The following NOVA1 variants were observed in gnomAD, a reference collection of about 807,000 sequenced individuals.
The protein encoded by NOVA1 is RNA-binding protein Nova-1.
NOVA1 carries 7 observed loss-of-function variants against 38.0 expected under a neutral mutation model. That is an observed-to-expected ratio of 0.18 (90% CI 0.10 to 0.35). NOVA1 has a LOEUF of 0.35. NOVA1 is among the 10% of genes least tolerant of loss of function. The probability of loss-of-function intolerance (pLI) is 1.00; values close to 1 mark genes in which losing one functional copy is unlikely to be tolerated. For missense variants in NOVA1, 460 were observed against 616.0 expected, an observed-to-expected ratio of 0.75 and a Z score of 2.68; for synonymous variants, 270 against 232.5, an observed-to-expected ratio of 1.16 and a Z score of -1.47.
chr14:26,507,048 G>C (rs1887689397), intron 2 of NOVA1, among the ~76,000 whole-genome samples: 1 of 151,870 alleles, frequency 6.6e-6, no homozygotes, highest in Admixed American at 6.6e-5. Flanking sequence ...TTTTAAACTG[G>C]ATTGTATCCT....
At chr14:26,577,586 T>C (rs968489968) in intron 2 of NOVA1, among the ~76,000 whole-genome samples, 1 of 152,140 alleles carries the variant, frequency 6.6e-6, no homozygotes, top group African/African-American at 2.4e-5. Context: ...TTGGCTTGAA[T>C]ATATGGCTTT....
At chr14:26,516,264 G>A (rs1219001754) in intron 2 of NOVA1, among the ~76,000 whole-genome samples, 1 of 151,970 alleles carries the variant, frequency 6.6e-6, no homozygotes, top group African/African-American at 2.4e-5. Flanking sequence ...TGATTTGAAG[G>A]CATTCTATGC....
At chr14:26,523,845 G>C (rs1889089313) in intron 2 of NOVA1, among the ~76,000 whole-genome samples, 1 of 149,628 alleles carries the variant, frequency 6.7e-6, no homozygotes, top group Non-Finnish European at 1.5e-5. Context: ...CCGCCTCCCG[G>C]GTTCACGCCA....
At chr14:26,581,731 C>A (rs1278964755) in intron 2 of NOVA1, among the ~76,000 whole-genome samples, 1 of 151,890 alleles carries the variant, frequency 6.6e-6, no homozygotes, top group Non-Finnish European at 1.5e-5. Flanking sequence ...GCAAATGTGG[C>A]AGTTTGATAA....
At chr14:26,502,059 C>CA (rs142861148) in intron 2 of NOVA1, among the ~76,000 whole-genome samples, 3,230 of 151,974 alleles carry the variant, frequency 0.021, 110 homozygotes, top group African/African-American at 0.074. Context: ...ATCAACTAAA[C>CA]AAATCCATTT....
intron 2 of NOVA1, among the ~76,000 whole-genome samples, chr14:26,535,675 A>G (rs999791138): frequency 2.0e-5 from 3 of 152,120 alleles, no homozygotes; most frequent in African/African-American, 7.2e-5. Context: ...TGTGGTACAT[A>G]GGCCGGGCGT....
At chr14:26,591,850 A>C (rs917817346) in intron 2 of NOVA1, among the ~76,000 whole-genome samples, 1 of 151,620 alleles carries the variant, frequency 6.6e-6, no homozygotes, top group Non-Finnish European at 1.5e-5. Flanking sequence ...TTTGGAAAGT[A>C]AGAAAAATTG....
At chr14:26,584,248 G>A (rs1350533175) in intron 2 of NOVA1, among the ~76,000 whole-genome samples, 1 of 150,590 alleles carries the variant, frequency 6.6e-6, no homozygotes, top group East Asian at 2.0e-4. Flanking sequence ...CTTTCCCTTT[G>A]CCTTTTCCTT....
chr14:26,474,826 T>C (rs1884850585), intron 3 of NOVA1, among the ~76,000 whole-genome samples: 1 of 152,114 alleles, frequency 6.6e-6, no homozygotes, highest in Non-Finnish European at 1.5e-5. Context: ...ATTAAAATAA[T>C]GAAAATGTAA....
chr14:26,595,182 A>G (rs1272613009), intron 2 of NOVA1, among the ~76,000 whole-genome samples: 1 of 152,180 alleles, frequency 6.6e-6, no homozygotes, highest in East Asian at 1.9e-4. Flanking sequence ...TACCCGAATC[A>G]TCTTGCAACT....
chr14:26,451,024 T>C (rs1882624565), intron 4 of NOVA1, among the ~76,000 whole-genome samples: 1 of 152,176 alleles, frequency 6.6e-6, no homozygotes. Flanking sequence ...AGTAATCATT[T>C]TTGTTTTGTT....
chr14:26,597,168 C>T, intron 1 of NOVA1, 133 bp downstream of exon 1: 1 of 1,183,598 alleles, frequency 8.4e-7, no homozygotes, highest in Non-Finnish European at 1.1e-6. Flanking sequence ...GGCGCAGGGG[C>T]CGCCGGGTTC....
chr14:26,484,428 GAAAAAA>G (rs869087238), intron 2 of NOVA1, among the ~76,000 whole-genome samples: 20 of 56,456 alleles, frequency 3.5e-4, no homozygotes, highest in East Asian at 1.8e-3. Context: ...ACTCCGTCTC[GAAAAAA>G]AAAAAAAAAA....
Position 26,444,296 on chromosome 14 carries a change from A to G in NOVA1, c.*3663T>C, listed in dbSNP as rs962802233. ...TAGAAGTGGTACACAAAAAACGGGG[A>G]TAAAATTTATCAGATTCTTGATAGC... On this transcript the variant is annotated 3_prime_UTR_variant, in exon 5 of 5. Transcript: ENST00000539517. The G allele has an allele frequency of 1.3e-5, 2 of 152,148 alleles. No individual in the cohort carries two copies. The highest frequency in any genetic ancestry group is 4.8e-5 in the African/African-American group (2 of 41,442). The allele number at this position is 152,148 out of a possible 1,614,324, so 9.4% of individuals were successfully genotyped here.
Position 26,480,062 on chromosome 14 carries a change from C to A in NOVA1, c.362G>T (p.Arg121Leu). 6.2e-7 allele frequency: 1 copy of A among 1,613,934 alleles called. No individual in the cohort carries two copies. Among genetic ancestry groups the A allele is most frequent in the African/African-American group, 1.3e-5 (1 of 74,994 alleles). Residue 121 changes from arginine (R) to leucine (L), a missense_variant, in exon 3 of 5, where the codon CGA becomes CTA. Arg to Leu is a moderately radical substitution (Grantham distance 102). Coordinates refer to ENST00000539517, the MANE Select transcript of NOVA1 (RefSeq NM_002515.3). ...CTTGGCCACATTTTGGGGCATTTCT[C>A]GAATTTTTTCTGCAATGAATCCATG... The part of the protein sequence containing the change: ...AVHGFIAEKI[R>L]EMPQNVAKTE...
intron 2 of NOVA1, among the ~76,000 whole-genome samples, chr14:26,517,918 T>C (rs1166446815): frequency 6.6e-6 from 1 of 152,146 alleles, no homozygotes; most frequent in Non-Finnish European, 1.5e-5. Context: ...GAAATATACT[T>C]GTTGGAAGAA....
intron 2 of NOVA1, among the ~76,000 whole-genome samples, chr14:26,507,959 A>G (rs1309150790): frequency 1.3e-5 from 2 of 152,104 alleles, no homozygotes; most frequent in African/African-American, 4.8e-5. Context: ...AAACAAGACC[A>G]TAAGAGTTAT....
chr14:26,529,685 A>T (rs562829942), intron 2 of NOVA1, among the ~76,000 whole-genome samples: 3 of 152,130 alleles, frequency 2.0e-5, no homozygotes, highest in Non-Finnish European at 4.4e-5. Context: ...ATGAGGTATG[A>T]AGTTTTTGCC....
chr14:26,545,457 T>G (rs778363759), intron 2 of NOVA1, among the ~76,000 whole-genome samples: 1 of 151,996 alleles, frequency 6.6e-6, no homozygotes, highest in Admixed American at 6.6e-5. Flanking sequence ...AAGACTACAG[T>G]ATCAATAAAT....
Sources: allele counts gnomAD v4.1 joint callset (sites outside exome capture counted in the v4.1 genomes callset), GRCh38; gene constraint gnomAD v4.1.1; transcripts MANE v1.5; gene names NCBI Gene and HGNC (gene_info 2026-07-23, HGNC 2026-07-21).